SMYD3: variants seen among roughly 807,000 people sequenced by gnomAD.
The protein encoded by SMYD3 is SET and MYND domain containing 3.
SMYD3 carries 36 observed loss-of-function variants against 57.7 expected under a neutral mutation model. The observed-to-expected ratio is 0.62, with a 90% CI of 0.48 to 0.82. SMYD3 has a LOEUF of 0.82. Among genes scored for constraint, SMYD3 ranks in the 40% least tolerant of loss-of-function variants. The pLI is 0.00. For synonymous variants in SMYD3, 211 were observed against 195.0 expected, an observed-to-expected ratio of 1.08 and a Z score of -0.68; for missense variants, 515 against 538.8, an observed-to-expected ratio of 0.96 and a Z score of 0.44.
chr1:245,834,780 C>T (rs868192963), intron 10 of SMYD3, among the ~76,000 whole-genome samples: 2 of 152,280 alleles, frequency 1.3e-5, no homozygotes, highest in African/African-American at 4.8e-5. Context: ...CAGGCTCTGC[C>T]TTGGCTATTG....
At chr1:246,160,518 TG>T (rs1434875024) in intron 5 of SMYD3, among the ~76,000 whole-genome samples, 33 of 152,288 alleles carry the variant, frequency 2.2e-4, no homozygotes, top group African/African-American at 7.7e-4. Flanking sequence ...AGCTTCTGAA[TG>T]TGCAAAGGTG....
intron 5 of SMYD3, among the ~76,000 whole-genome samples, chr1:246,151,030 G>A (rs1391049410): frequency 1.3e-5 from 2 of 151,992 alleles, no homozygotes; most frequent in East Asian, 1.9e-4. Flanking sequence ...GGTGGATCAC[G>A]AGGTCAGGAG....
intron 5 of SMYD3, among the ~76,000 whole-genome samples, chr1:246,008,806 A>G (rs2059224753): frequency 6.6e-6 from 1 of 152,168 alleles, no homozygotes; most frequent in South Asian, 2.1e-4. Flanking sequence ...TGCCCTCAGC[A>G]TCCCTATTAA....
intron 1 of SMYD3, among the ~76,000 whole-genome samples, chr1:246,380,880 G>C (rs866979601): frequency 1.5e-4 from 23 of 152,200 alleles, no homozygotes; most frequent in African/African-American, 5.5e-4. Context: ...CTATGGCCAT[G>C]GGAAGAGGTA....
At chr1:246,195,240 T>C (rs2062813564) in intron 5 of SMYD3, among the ~76,000 whole-genome samples, 1 of 152,192 alleles carries the variant, frequency 6.6e-6, no homozygotes. Flanking sequence ...AACTTGTGAC[T>C]GTGAAGTCAC....
At chr1:246,233,866 A>T (rs1206430320) in intron 5 of SMYD3, among the ~76,000 whole-genome samples, 1 of 131,090 alleles carries the variant, frequency 7.6e-6, no homozygotes, top group Non-Finnish European at 1.6e-5. Flanking sequence ...TACCACACAG[A>T]GGAGAAGCAC....
In SMYD3 at chr1:246,335,449, C is replaced by T. The variant is rs1431606369; in HGVS notation, c.254G>A (p.Arg85Gln). ...GCAGCTTTTAAGGCATTTGCATTCC[C>T]GCTTGTGGTCTGGCCAAGCTTTTTT... ...CQKKAWPDHKRECKCLKSCKP... is the reference protein window; with the variant it reads ...CQKKAWPDHKQECKCLKSCKP... The change falls in exon 3 of 12, where the codon CGG becomes CAG. Residue 85 changes from arginine (R) to glutamine (Q), a missense_variant. Coordinates refer to ENST00000490107, the MANE Select transcript of SMYD3 (RefSeq NM_001167740.2). The T allele has an allele frequency of 3.7e-6, 6 of 1,614,102 alleles. No homozygotes were observed. The highest frequency in any genetic ancestry group is 3.3e-5 in the Admixed American group (2 of 60,016).
At chr1:246,240,569 T>TG (rs2063591266) in intron 5 of SMYD3, among the ~76,000 whole-genome samples, 1 of 151,496 alleles carries the variant, frequency 6.6e-6, no homozygotes, top group Admixed American at 6.6e-5. Flanking sequence ...GTCTTGGCAA[T>TG]AAGGGCTCTT....
intron 10 of SMYD3, among the ~76,000 whole-genome samples, chr1:245,785,683 G>A (rs576397588): frequency 6.6e-6 from 1 of 150,600 alleles, no homozygotes; most frequent in African/African-American, 2.5e-5. Context: ...GTGAGAAAGC[G>A]AGCAAGAGAG....
chr1:246,162,308 G>A (rs1014444579), intron 5 of SMYD3, among the ~76,000 whole-genome samples: 1 of 152,192 alleles, frequency 6.6e-6, no homozygotes, highest in Non-Finnish European at 1.5e-5. Context: ...TGTGGAGGGT[G>A]TTTCTGGGAA....
chr1:246,217,401 T>G (rs962631514), intron 5 of SMYD3, among the ~76,000 whole-genome samples: 2 of 151,964 alleles, frequency 1.3e-5, no homozygotes, highest in African/African-American at 4.8e-5. Flanking sequence ...CCCAGCTACT[T>G]GGAAGGCTGG....
chr1:245,895,633 CTTTCA>C (rs1383028834), intron 8 of SMYD3, among the ~76,000 whole-genome samples: 1 of 152,232 alleles, frequency 6.6e-6, no homozygotes, highest in Non-Finnish European at 1.5e-5. Context: ...CGCTAACATT[CTTTCA>C]TTTCTTCTTC....
intron 5 of SMYD3, among the ~76,000 whole-genome samples, chr1:246,023,470 CCA>C (rs1299164774): frequency 1.3e-5 from 2 of 152,066 alleles, no homozygotes; most frequent in African/African-American, 2.4e-5. Flanking sequence ...ATCATTTCCC[CCA>C]CAGTTTTCAG....
intron 8 of SMYD3, among the ~76,000 whole-genome samples, chr1:245,895,514 T>A (rs551206593): frequency 1.3e-5 from 2 of 151,100 alleles, no homozygotes; most frequent in South Asian, 4.2e-4. Context: ...GCAGAAAAAA[T>A]CTTGGTTTCC....
At chr1:246,041,847 C>G (rs986897388) in intron 5 of SMYD3, among the ~76,000 whole-genome samples, 1 of 151,860 alleles carries the variant, frequency 6.6e-6, no homozygotes, top group African/African-American at 2.4e-5. Flanking sequence ...TAAATACATA[C>G]GCTTTAATCA....
intron 5 of SMYD3, among the ~76,000 whole-genome samples, chr1:245,978,753 G>A (rs554516153): frequency 2.6e-5 from 4 of 152,208 alleles, no homozygotes; most frequent in Admixed American, 2.6e-4. Context: ...ACCTGTGCTG[G>A]CCTTTCCGCC....
At position 245,804,408 on chromosome 1, in the gene SMYD3, C is replaced by G. The variant is rs1043664148; in HGVS notation, c.1077-40259G>C. On this transcript the variant is annotated intron_variant, in intron 10 of 11. Coordinates refer to ENST00000490107, the MANE Select transcript of SMYD3 (RefSeq NM_001167740.2). The stretch of plus-strand genomic sequence containing the variant: ...CCATCCTGGCTAATGTGGTGAAACC[C>G]CATCTCTACTAAAAATACGGGCGCC... Among the ~76,000 whole-genome samples the G allele has an allele frequency of 5.3e-5, 8 of 152,018 alleles. 1 individual carries two copies. Among genetic ancestry groups the G allele is most frequent in the African/African-American group, 1.9e-4 (8 of 41,512 alleles).
chr1:245,950,192 G>A (rs1239308795), intron 5 of SMYD3, among the ~76,000 whole-genome samples: 2 of 152,098 alleles, frequency 1.3e-5, no homozygotes, highest in African/African-American at 4.8e-5. Flanking sequence ...AAAGAAGCCT[G>A]ACCTAATACT....
intron 5 of SMYD3, among the ~76,000 whole-genome samples, chr1:246,224,792 T>C (rs1037519024): frequency 1.3e-5 from 2 of 151,900 alleles, no homozygotes; most frequent in African/African-American, 2.4e-5. Context: ...TCAGTGGTGA[T>C]GGGGGTAAGT....
Sources: allele counts gnomAD v4.1 joint callset (sites outside exome capture counted in the v4.1 genomes callset), GRCh38; gene constraint gnomAD v4.1.1; transcripts MANE v1.5; gene names NCBI Gene and HGNC (gene_info 2026-07-23, HGNC 2026-07-21).